GPHN: variants seen among roughly 807,000 people sequenced by gnomAD.
GPHN encodes the protein gephyrin.
A neutral mutation model predicts 95.5 loss-of-function variants in GPHN; 17 were observed. That is an observed-to-expected ratio of 0.18 (90% CI 0.12 to 0.27). The LOEUF is 0.27. Among genes scored for constraint, GPHN ranks in the 10% least tolerant of loss-of-function variants. The pLI, the probability that GPHN is intolerant of heterozygous loss-of-function variation, is 1.00. For missense variants in GPHN, 660 were observed against 978.1 expected, an observed-to-expected ratio of 0.67 and a Z score of 4.34; for synonymous variants, 320 against 322.5, an observed-to-expected ratio of 0.99 and a Z score of 0.08.
At chr14:66,840,527 C>T (rs2062031637) in intron 4 of GPHN, among the ~76,000 whole-genome samples, 1 of 152,014 alleles carries the variant, frequency 6.6e-6, no homozygotes, top group South Asian at 2.1e-4. Flanking sequence ...TGGTCTCTGT[C>T]AAAACTACCC....
At chr14:66,527,773 G>A (rs1594828626) in intron 1 of GPHN, among the ~76,000 whole-genome samples, 1 of 152,100 alleles carries the variant, frequency 6.6e-6, no homozygotes, top group African/African-American at 2.4e-5. Flanking sequence ...GTAGTTGTGT[G>A]GTTTTGAGTG....
At chr14:67,408,953 G>A in the GPHN span, among the ~76,000 whole-genome samples, 2 of 151,598 alleles carry the variant, frequency 1.3e-5, no homozygotes, top group East Asian at 3.9e-4. Context: ...TTGGCCAGGC[G>A]CCTATAATCC....
chr14:66,633,611 T>C (rs377018915), intron 1 of GPHN, among the ~76,000 whole-genome samples: 2 of 134,882 alleles, frequency 1.5e-5, no homozygotes, highest in East Asian at 2.5e-4. Context: ...GCTAGATTTT[T>C]AATGATTTTT....
intron 1 of GPHN, among the ~76,000 whole-genome samples, chr14:66,574,849 C>T (rs1291605557): frequency 6.6e-6 from 1 of 152,160 alleles, no homozygotes; most frequent in Non-Finnish European, 1.5e-5. Context: ...AACATTAGTA[C>T]TCCAGGCTCT....
At chr14:66,955,588 A>G (rs2068438367) in intron 8 of GPHN, among the ~76,000 whole-genome samples, 1 of 152,150 alleles carries the variant, frequency 6.6e-6, no homozygotes, top group African/African-American at 2.4e-5. Flanking sequence ...TCTAGGGTAC[A>G]TGTGCACAAC....
the GPHN span, chr14:67,722,707 T>C: frequency 3.1e-6 from 5 of 1,613,292 alleles, no homozygotes; most frequent in Admixed American, 1.7e-5. Flanking sequence ...GCTCCATCCA[T>C]CAGGTTTGTC....
At chr14:66,981,359 A>G (rs2070660655) in intron 9 of GPHN, among the ~76,000 whole-genome samples, 1 of 152,138 alleles carries the variant, frequency 6.6e-6, no homozygotes, top group Admixed American at 6.6e-5. Context: ...GCTTTACTGA[A>G]AGGGCTGAAT....
the GPHN span, chr14:67,733,599 T>C: frequency 3.4e-6 from 2 of 588,084 alleles, no homozygotes; most frequent in Admixed American, 5.0e-5. Flanking sequence ...TAAAATATTT[T>C]TGGAGTGCAT....
intron 16 of GPHN, among the ~76,000 whole-genome samples, chr14:67,116,402 G>C (rs1484814492): frequency 6.6e-6 from 1 of 151,864 alleles, no homozygotes; most frequent in African/African-American, 2.4e-5. Context: ...GAAAGGAGGG[G>C]AGGGCAGGGC....
the GPHN span, among the ~76,000 whole-genome samples, chr14:67,319,728 T>A: frequency 6.6e-6 from 1 of 152,154 alleles, no homozygotes; most frequent in Non-Finnish European, 1.5e-5. Context: ...GGGCCACGGG[T>A]TGGACGAGCT....
the GPHN span, chr14:67,579,405 C>A: frequency 1.0e-6 from 1 of 1,000,034 alleles, no homozygotes; most frequent in Non-Finnish European, 1.4e-6. Context: ...GCAGATTGTT[C>A]ACTGTTGCCC....
the GPHN span, among the ~76,000 whole-genome samples, chr14:67,687,310 G>T: frequency 6.6e-6 from 1 of 152,092 alleles, no homozygotes; most frequent in Non-Finnish European, 1.5e-5. Context: ...GCCTCTAAGG[G>T]TTTGGCATCT....
chr14:67,281,351 T>C, the GPHN span, among the ~76,000 whole-genome samples: 1 of 152,220 alleles, frequency 6.6e-6, no homozygotes, highest in Non-Finnish European at 1.5e-5. Context: ...AATTCCTGCC[T>C]TCAGACATTT....
At chr14:66,623,803 A>G (rs1001373849) in intron 1 of GPHN, among the ~76,000 whole-genome samples, 14 of 152,070 alleles carry the variant, frequency 9.2e-5, no homozygotes, top group African/African-American at 3.1e-4. Context: ...TTTATTGGAT[A>G]CGGGTTACCA....
At chr14:67,585,338 T>G in the GPHN span, 1 of 513,926 alleles carries the variant, frequency 1.9e-6, no homozygotes, top group Non-Finnish European at 3.5e-6. Context: ...GCCTCTGCCT[T>G]TGAGATGGTT....
At chr14:66,676,058 A>G (rs566989726) in intron 1 of GPHN, among the ~76,000 whole-genome samples, 2 of 151,258 alleles carry the variant, frequency 1.3e-5, no homozygotes, top group South Asian at 4.2e-4. Flanking sequence ...ACACACACAT[A>G]TATATATATA....
the GPHN span, among the ~76,000 whole-genome samples, chr14:67,289,839 C>T: frequency 6.8e-6 from 1 of 146,342 alleles, no homozygotes; most frequent in Non-Finnish European, 1.5e-5. Flanking sequence ...GGCACTATCT[C>T]GGTTCACTGC....
chr14:67,577,455 G>A, the GPHN span: 4 of 1,271,240 alleles, frequency 3.1e-6, no homozygotes, highest in Non-Finnish European at 4.5e-6. Context: ...TGGGATACTT[G>A]CAATACTTGG....
In GPHN at chr14:67,065,382, T is replaced by C. The variant is rs148806850; in HGVS notation, c.1144+6596T>C. Among the ~76,000 whole-genome samples the C allele has an allele frequency of 2.9e-3, 441 of 152,332 alleles. 3 individuals are homozygous for C. The highest frequency in any genetic ancestry group is 0.01 in the African/African-American group (431 of 41,574). ...GTTGTCAATTTTAGAATACGTGCAA[T>C]GTGGTGCTGAGAAGACTGTATATTC... On this transcript the variant is annotated intron_variant, in intron 11 of 22. Transcript: ENST00000478722.
Sources: gnomAD v4.1 joint callset for allele counts (sites outside exome capture counted in the v4.1 genomes callset) on GRCh38, gnomAD v4.1.1 for gene constraint, MANE v1.5 for transcripts, NCBI Gene and HGNC (gene_info 2026-07-23, HGNC 2026-07-21) for gene names.